Variants in AOAH observed in about 807,000 individuals in gnomAD.
AOAH encodes the protein acyloxyacyl hydrolase, also known as acyloxyacyl hydrolase (neutrophil).
AOAH carries 64 observed loss-of-function variants against 92.2 expected under a neutral mutation model. The observed-to-expected ratio is 0.69, with a 90% confidence interval of 0.57 to 0.86. The LOEUF is 0.86. Ranked by LOEUF, AOAH falls within the 40% of genes least tolerant of loss-of-function variation. The probability of loss-of-function intolerance (pLI) is 0.00; values close to 1 mark genes in which losing one functional copy is unlikely to be tolerated. For synonymous variants in AOAH, 263 were observed against 254.5 expected, an observed-to-expected ratio of 1.03 and a Z score of -0.32; for missense variants, 656 against 694.6, an observed-to-expected ratio of 0.94 and a Z score of 0.62.
chr7:36,681,378 T>A (rs1045957423), intron 2 of AOAH, among the ~76,000 whole-genome samples: 4 of 152,156 alleles, frequency 2.6e-5, no homozygotes, highest in African/African-American at 9.7e-5. Flanking sequence ...TGCCTTAACA[T>A]GTATAGATCT....
intron 1 of AOAH, among the ~76,000 whole-genome samples, chr7:36,721,011 C>T (rs1356022319): frequency 2.6e-5 from 4 of 152,312 alleles, no homozygotes; most frequent in African/African-American, 9.6e-5. Flanking sequence ...CCACCAGCTG[C>T]GAGAGAGCGG....
chr7:36,594,530 T>C (rs1789974385), intron 11 of AOAH, 100 bp from the exon 12 acceptor site: 2 of 982,732 alleles, frequency 2.0e-6, no homozygotes, highest in Non-Finnish European at 3.2e-6. Flanking sequence ...GTGTGTCTGT[T>C]TCCCACTCTC....
intron 11 of AOAH, among the ~76,000 whole-genome samples, chr7:36,606,180 T>C (rs891870986): frequency 6.6e-6 from 1 of 152,186 alleles, no homozygotes; most frequent in Non-Finnish European, 1.5e-5. Context: ...TAAGGGAGGC[T>C]TTATGTGCAG....
At position 36,712,018 on chromosome 7, in the gene AOAH, T is replaced by C. The variant is rs927729245; in HGVS notation, c.127+12004A>G. Among the ~76,000 whole-genome samples, 8 of 152,212 alleles carry C rather than the reference T, an allele frequency of 5.3e-5. 1 individual carries two copies. Among genetic ancestry groups the C allele is most frequent in the South Asian group, 2.1e-4 (1 of 4,836 alleles). On this transcript the variant is annotated intron_variant, in intron 1 of 20. Coordinates refer to ENST00000617537, the MANE Select transcript of AOAH (RefSeq NM_001637.4). ...CAATTTAACCACATAAATGGCAAGA[T>C]GAAATGTTTTCTGCTATCAGCAGAA...
At chr7:36,701,460 ATAAT>A (rs1300984683) in intron 1 of AOAH, among the ~76,000 whole-genome samples, 1 of 150,528 alleles carries the variant, frequency 6.6e-6, no homozygotes, top group Non-Finnish European at 1.5e-5. Flanking sequence ...GTTCATATAC[ATAAT>A]TAATATTGAC....
At chr7:36,616,344 A>C in intron 11 of AOAH, 36 bp downstream of exon 11, 1 of 1,546,116 alleles carries the variant, frequency 6.5e-7, no homozygotes, top group Non-Finnish European at 8.9e-7. Context: ...AACAAAGGCC[A>C]GCACATCTGG....
At chr7:36,717,279 G>C (rs1799268625) in intron 1 of AOAH, among the ~76,000 whole-genome samples, 1 of 152,098 alleles carries the variant, frequency 6.6e-6, no homozygotes, top group Admixed American at 6.6e-5. Flanking sequence ...GCTCCTTTTA[G>C]AGTATCCCTC....
chr7:36,632,520 G>A (rs1950722131), intron 5 of AOAH, among the ~76,000 whole-genome samples: 1 of 152,198 alleles, frequency 6.6e-6, no homozygotes, highest in Admixed American at 6.5e-5. Context: ...TGGGAGGAAG[G>A]AAGGTCCCTT....
At chr7:36,548,527 T>C in intron 15 of AOAH, 85 bp downstream of exon 15, 1 of 1,133,278 alleles carries the variant, frequency 8.8e-7, no homozygotes, top group Non-Finnish European at 1.3e-6. Context: ...AGCAGGCTGC[T>C]ATAATGGAGT....
intron 3 of AOAH, among the ~76,000 whole-genome samples, chr7:36,664,316 T>C (rs929032557): frequency 2.0e-5 from 3 of 152,194 alleles, no homozygotes; most frequent in Non-Finnish European, 4.4e-5. Context: ...TGTGTCTGGA[T>C]TCATTTTTTT....
At chr7:36,520,592 C>T (rs1336886355) in intron 20 of AOAH, among the ~76,000 whole-genome samples, 1 of 151,962 alleles carries the variant, frequency 6.6e-6, no homozygotes, top group African/African-American at 2.4e-5. Context: ...GTAATCCCAG[C>T]TACTCAGGAA....
intron 16 of AOAH, among the ~76,000 whole-genome samples, chr7:36,535,004 GTA>G (rs1784933225): frequency 3.0e-5 from 4 of 134,864 alleles, no homozygotes; most frequent in Admixed American, 1.6e-4. Context: ...CTGCTTGTGT[GTA>G]TCTGTGTGTG....
intron 1 of AOAH, among the ~76,000 whole-genome samples, chr7:36,713,228 AGAAGGCCATTACTT>A (rs1217464089): frequency 2.6e-5 from 4 of 152,236 alleles, no homozygotes; most frequent in Non-Finnish European, 5.9e-5. Flanking sequence ...TAAGAGACAA[AGAAGGCCATTACTT>A]AATGGTAAAG....
rs141979855 is a variant in AOAH, at chr7:36,537,672, C to T, written c.1306+2647G>A. 5.5e-3 allele frequency among the ~76,000 whole-genome samples: 841 copies of T among 152,216 alleles called. 15 individuals carry two copies. The highest frequency in any genetic ancestry group is 0.031 in the Admixed American group (470 of 15,278). ...TAGCTACGATTACAGGCACCTGCCACCACGCCCAGCTAATTTTTTTTTGTA... is the reference window on the plus strand; with the variant it reads ...TAGCTACGATTACAGGCACCTGCCATCACGCCCAGCTAATTTTTTTTTGTA... On this transcript the variant is annotated intron_variant, in intron 16 of 20. Transcript: ENST00000617537.
At chr7:36,637,323 T>C (rs1793589468) in intron 5 of AOAH, among the ~76,000 whole-genome samples, 1 of 152,222 alleles carries the variant, frequency 6.6e-6, no homozygotes, top group South Asian at 2.1e-4. Flanking sequence ...ATTATCATCC[T>C]TGTCTTACAG....
chr7:36,543,404 G>A, intron 15 of AOAH, among the ~76,000 whole-genome samples: 1 of 152,104 alleles, frequency 6.6e-6, no homozygotes, highest in East Asian at 1.9e-4. Context: ...CCTTTCTTCT[G>A]GCACTGGTAA....
At chr7:36,587,595 G>A (rs1416389071) in intron 12 of AOAH, among the ~76,000 whole-genome samples, 1 of 152,048 alleles carries the variant, frequency 6.6e-6, no homozygotes, top group Admixed American at 6.6e-5. Context: ...GAGTTATGAA[G>A]ATATTCCAAA....
chr7:36,530,003 G>T (rs954626914), intron 19 of AOAH, among the ~76,000 whole-genome samples: 2 of 152,206 alleles, frequency 1.3e-5, no homozygotes, highest in Non-Finnish European at 1.5e-5. Context: ...AATCTGCACT[G>T]CTCCTGAGTC....
At chr7:36,668,189 G>GT (rs200325739) in intron 3 of AOAH, among the ~76,000 whole-genome samples, 1 of 147,902 alleles carries the variant, frequency 6.8e-6, no homozygotes. Context: ...AACATGAGAG[G>GT]TTTTTGTGTG....
Sources: allele counts gnomAD v4.1 joint callset (sites outside exome capture counted in the v4.1 genomes callset), GRCh38; gene constraint gnomAD v4.1.1; transcripts MANE v1.5; gene names NCBI Gene and HGNC (gene_info 2026-07-23, HGNC 2026-07-21).